CYTH3: variants seen among roughly 807,000 people sequenced by gnomAD.
CYTH3 encodes the protein cytohesin 3.
A neutral mutation model predicts 55.1 loss-of-function variants in CYTH3; 23 were observed. The observed-to-expected ratio is 0.42, with a 90% CI of 0.30 to 0.59. The LOEUF is 0.59. Ranked by LOEUF, CYTH3 falls within the 20% of genes least tolerant of loss-of-function variation. CYTH3 has a pLI of 0.20. For missense variants in CYTH3, 413 were observed against 524.8 expected, an observed-to-expected ratio of 0.79 and a Z score of 2.08; for synonymous variants, 249 against 194.9, an observed-to-expected ratio of 1.28 and a Z score of -2.31.
rs1318235752 is a variant in CYTH3 at position 6,169,134 on chromosome 7, C to A, written c.823+1401G>T. Among the ~76,000 whole-genome samples the A allele has an allele frequency of 6.6e-6, 1 of 152,212 alleles. No individual in the cohort carries two copies. The highest frequency in any genetic ancestry group is 1.5e-5 in the Non-Finnish European group (1 of 68,032). The stretch of plus-strand genomic sequence containing the variant: ...AAAGAGCAATGGCCAAGGTCAAAGA[C>A]CCTAATGGGAATGGCAGACCTGTGG... On this transcript the variant is annotated intron_variant, in intron 9 of 12. Coordinates refer to ENST00000350796, the MANE Select transcript of CYTH3 (RefSeq NM_004227.4). The surrounding 1 kb of genome is among the most constrained non-coding windows in gnomAD (Gnocchi z 4.1).
At chr7:6,224,680 T>C (rs984776239) in intron 1 of CYTH3, among the ~76,000 whole-genome samples, 3 of 152,182 alleles carry the variant, frequency 2.0e-5, no homozygotes, top group Non-Finnish European at 2.9e-5. Flanking sequence ...AAATTAAACA[T>C]AGAACCACTA....
intron 4 of CYTH3, among the ~76,000 whole-genome samples, chr7:6,180,412 A>G (rs17136062): frequency 0.041 from 6,284 of 152,318 alleles, 312 homozygotes; most frequent in African/African-American, 0.11. Flanking sequence ...CCTATGAGAC[A>G]GAGAGGAGAA....
rs1271373038 is a variant in CYTH3, at chr7:6,167,797, T to C, written c.824-1987A>G. ...CTCTTCCTCCACGCTCCCAGCATGGTGGACAGCAAAGGACCTGTATGTTCC... is the reference window on the plus strand; with the variant it reads ...CTCTTCCTCCACGCTCCCAGCATGGCGGACAGCAAAGGACCTGTATGTTCC... On this transcript the variant is annotated intron_variant, in intron 9 of 12. Transcript: ENST00000350796. The surrounding 1 kb of genome is among the most constrained non-coding windows in gnomAD (Gnocchi z 5.5). 2.6e-5 allele frequency among the ~76,000 whole-genome samples: 4 copies of C among 152,208 alleles called. No individual in the cohort carries two copies. The highest frequency in any genetic ancestry group is 5.9e-5 in the Non-Finnish European group (4 of 68,022).
intron 6 of CYTH3, chr7:6,172,942 A>G: frequency 6.1e-6 from 7 of 1,148,328 alleles, no homozygotes; most frequent in Non-Finnish European, 6.6e-6. Flanking sequence ...CAGTCCACGT[A>G]AACGAGAACA....
intron 1 of CYTH3, among the ~76,000 whole-genome samples, chr7:6,218,286 A>G (rs1784469920): frequency 6.6e-6 from 1 of 152,220 alleles, no homozygotes; most frequent in African/African-American, 2.4e-5. Flanking sequence ...GAGATGTGAC[A>G]CAGAAGAAGG....
chr7:6,271,764 G>A (rs1001971940), intron 1 of CYTH3, among the ~76,000 whole-genome samples: 2 of 152,114 alleles, frequency 1.3e-5, no homozygotes, highest in Non-Finnish European at 2.9e-5. Flanking sequence ...ACCTGGCTCC[G>A]GGCACACCTG....
Position 6,165,420 on chromosome 7 carries a change from A to C in CYTH3, c.980T>G (p.Phe327Cys). Residue 327 changes from phenylalanine to cysteine, a missense_variant, in exon 12 of 13, where the codon TTT becomes TGT. Phe to Cys is a radical substitution (Grantham distance 205). Around this residue, in one of 4 missense-constraint regions of CYTH3, gnomAD observed 98 missense variants for 115.2 expected, o/e 0.85. Transcript: ENST00000350796. ...TTTGTGGCTGGGATTGTAGAGCTCA[A>C]AACAGTTCTGGTGGAGAAAGAGAGA... ...EVEDPRKPNC[F>C]ELYNPSHKGQ... 1.2e-6 allele frequency: 2 copies of C among 1,613,210 alleles called. No homozygotes were observed. Among genetic ancestry groups the C allele is most frequent in the Non-Finnish European group, 8.5e-7 (1 of 1,179,502 alleles).
At chr7:6,174,676 T>C in intron 5 of CYTH3, among the ~76,000 whole-genome samples, 1 of 151,184 alleles carries the variant, frequency 6.6e-6, no homozygotes, top group East Asian at 2.0e-4. Context: ...GCCTCCCGAG[T>C]AGCTGGGACT....
chr7:6,243,858 G>C (rs545876045), intron 1 of CYTH3, among the ~76,000 whole-genome samples: 38 of 152,268 alleles, frequency 2.5e-4, no homozygotes, highest in African/African-American at 9.1e-4. Context: ...AGATAATCTA[G>C]GAGAAAACTT....
At chr7:6,217,490 T>C (rs926386154) in intron 1 of CYTH3, among the ~76,000 whole-genome samples, 2 of 152,292 alleles carry the variant, frequency 1.3e-5, no homozygotes, top group South Asian at 4.1e-4. Context: ...AGATACTATA[T>C]AATGATCCAT....
At chr7:6,272,373 T>G in intron 1 of CYTH3, 101 bp downstream of exon 1, 1 of 1,099,446 alleles carries the variant, frequency 9.1e-7, no homozygotes, top group Non-Finnish European at 1.1e-6. Flanking sequence ...CCCGACCCCG[T>G]CTCCTCCGGC....
chr7:6,191,318 T>C (rs890542623), intron 1 of CYTH3, among the ~76,000 whole-genome samples: 2 of 151,854 alleles, frequency 1.3e-5, no homozygotes, highest in Admixed American at 6.6e-5. Context: ...TAAATCAACA[T>C]AGACAGCGCC....
At chr7:6,245,516 G>A (rs972039159) in intron 1 of CYTH3, among the ~76,000 whole-genome samples, 2 of 152,116 alleles carry the variant, frequency 1.3e-5, no homozygotes, top group Non-Finnish European at 1.5e-5. Flanking sequence ...TGTCCAGCGG[G>A]AGCAGGCTTC....
intron 1 of CYTH3, among the ~76,000 whole-genome samples, chr7:6,211,278 C>T (rs781014311): frequency 9.9e-5 from 15 of 152,224 alleles, no homozygotes; most frequent in Non-Finnish European, 1.9e-4. Flanking sequence ...CCTGCACAAT[C>T]GCTTTCTATC....
chr7:6,173,160 T>TC, intron 6 of CYTH3: 1 of 732,356 alleles, frequency 1.4e-6, no homozygotes, highest in Non-Finnish European at 1.7e-6. Flanking sequence ...AACTTCCTGC[T>TC]TGCAGAGCAG....
chr7:6,188,863 C>G (rs1051356576), intron 2 of CYTH3: 3 of 152,188 alleles, frequency 2.0e-5, no homozygotes, highest in Admixed American at 1.3e-4. Context: ...TCTGGGTTAT[C>G]TGATTTTCCC....
intron 1 of CYTH3, among the ~76,000 whole-genome samples, chr7:6,192,764 C>G (rs1293631160): frequency 6.6e-6 from 1 of 150,602 alleles, no homozygotes; most frequent in African/African-American, 2.4e-5. Context: ...AACTCCTGAC[C>G]TCAAGTGATC....
At chr7:6,201,822 A>G (rs1277584480) in intron 1 of CYTH3, among the ~76,000 whole-genome samples, 5 of 152,202 alleles carry the variant, frequency 3.3e-5, no homozygotes, top group African/African-American at 1.2e-4. Context: ...TTCTAGGGTA[A>G]GCAGGAAAGG....
chr7:6,237,110 T>G (rs1562403646), intron 1 of CYTH3, among the ~76,000 whole-genome samples: 1 of 152,144 alleles, frequency 6.6e-6, no homozygotes, highest in Non-Finnish European at 1.5e-5. Flanking sequence ...AGACAGCACT[T>G]AGAACCAGAG....
Sources: allele counts gnomAD v4.1 joint callset (sites outside exome capture counted in the v4.1 genomes callset), GRCh38; gene constraint gnomAD v4.1.1; regional missense constraint gnomAD v4.1.1; non-coding constraint Gnocchi (gnomAD v3.1); transcripts MANE v1.5; gene names NCBI Gene and HGNC (gene_info 2026-07-23, HGNC 2026-07-21).